PARD3B: variants seen among roughly 807,000 people sequenced by gnomAD.
PARD3B encodes partitioning defective 3 homolog B.
A neutral mutation model predicts 130.2 loss-of-function variants in PARD3B; 103 were observed. The observed-to-expected ratio is 0.79, with a 90% CI of 0.67 to 0.93. The LOEUF (loss-of-function observed/expected upper bound fraction) is 0.93, where lower values mean the gene tolerates loss of function less well. Ranked by LOEUF, PARD3B falls within the 40% of genes least tolerant of loss-of-function variation. PARD3B has a pLI of 0.00. For synonymous variants in PARD3B, 583 were observed against 553.2 expected (o/e 1.05, Z -0.76); for missense variants, 1,609 against 1,499.2 (o/e 1.07, Z -1.21).
At chr2:204,724,174 C>T (rs546138104) in intron 2 of PARD3B, among the ~76,000 whole-genome samples, 1 of 152,216 alleles carries the variant, frequency 6.6e-6, no homozygotes, top group Non-Finnish European at 1.5e-5. Flanking sequence ...CTTAAAAAAG[C>T]AGTAGATATA....
Position 205,292,312 on chromosome 2 carries a change from A to G in PARD3B, c.2186-8218A>G, listed in dbSNP as rs961462898. On this transcript the variant is annotated intron_variant, in intron 16 of 22. Transcript: ENST00000406610. This position sits in a 1 kb window ranked among gnomAD's most constrained non-coding sequence, Gnocchi z 5.3. ...GACCCTTCCACCATGTGAGGACACA[A>G]TGAGAACACAGGCATCCATGGACCA... Among the ~76,000 whole-genome samples the G allele has an allele frequency of 3.3e-5, 5 of 152,108 alleles. No individual in the cohort carries two copies. The highest frequency in any genetic ancestry group is 5.9e-5 in the Non-Finnish European group (4 of 68,012).
At chr2:204,775,636 T>C (rs1470551776) in intron 2 of PARD3B, among the ~76,000 whole-genome samples, 1 of 152,168 alleles carries the variant, frequency 6.6e-6, no homozygotes, top group African/African-American at 2.4e-5. Flanking sequence ...TCTGTCATAA[T>C]ACAGTGCTGC....
At chr2:205,388,276 C>T (rs1480419859) in intron 18 of PARD3B, among the ~76,000 whole-genome samples, 1 of 152,170 alleles carries the variant, frequency 6.6e-6, no homozygotes, top group African/African-American at 2.4e-5. Flanking sequence ...GAGTATTCTG[C>T]ATCTGCAGGA....
At chr2:204,872,234 T>C (rs1339470526) in intron 2 of PARD3B, among the ~76,000 whole-genome samples, 1 of 152,098 alleles carries the variant, frequency 6.6e-6, no homozygotes, top group Non-Finnish European at 1.5e-5. Context: ...TGCCAAATTT[T>C]ATACATACAC....
chr2:205,206,135 T>C (rs867774983), intron 15 of PARD3B, among the ~76,000 whole-genome samples: 5 of 151,176 alleles, frequency 3.3e-5, no homozygotes, highest in African/African-American at 7.3e-5. Flanking sequence ...AAGACAGATA[T>C]GAACTTTTTC....
intron 18 of PARD3B, among the ~76,000 whole-genome samples, chr2:205,317,220 C>T (rs536660703): frequency 2.0e-5 from 3 of 152,186 alleles, no homozygotes; most frequent in African/African-American, 7.2e-5. Context: ...AATTCTGTAA[C>T]TGCCTTCTTG....
At chr2:205,595,359 T>C (rs17682318) in intron 22 of PARD3B, among the ~76,000 whole-genome samples, 35,960 of 152,232 alleles carry the variant, frequency 0.24, 4,671 homozygotes, top group Middle Eastern at 0.36. Context: ...AAAAACCAGC[T>C]GGCATGGGGC....
intron 15 of PARD3B, among the ~76,000 whole-genome samples, chr2:205,197,032 G>GGGGTGTGTGTGTGT (rs1553636919): frequency 1.8e-5 from 1 of 55,260 alleles, no homozygotes; most frequent in Non-Finnish European, 3.2e-5. Flanking sequence ...GTGGGGGGGG[G>GGGGTGTGTGTGTGT]GTGTGTGTGT....
At chr2:204,927,290 G>C (rs1034236697) in intron 2 of PARD3B, among the ~76,000 whole-genome samples, 1 of 152,042 alleles carries the variant, frequency 6.6e-6, no homozygotes, top group Non-Finnish European at 1.5e-5. Context: ...TAAGTCATGA[G>C]GGCAAAGCCC....
At chr2:205,382,219 G>C (rs754892113) in intron 18 of PARD3B, among the ~76,000 whole-genome samples, 1 of 152,048 alleles carries the variant, frequency 6.6e-6, no homozygotes. Context: ...TGCTAGCTAT[G>C]TGACAGTTCT....
intron 3 of PARD3B, among the ~76,000 whole-genome samples, chr2:205,023,312 T>C (rs979302262): frequency 6.6e-6 from 1 of 152,132 alleles, no homozygotes; most frequent in Non-Finnish European, 1.5e-5. Flanking sequence ...ATTAAAATAA[T>C]AATTGTACGT....
At chr2:205,578,683 G>C (rs1408725809) in intron 22 of PARD3B, among the ~76,000 whole-genome samples, 3 of 152,198 alleles carry the variant, frequency 2.0e-5, no homozygotes, top group Non-Finnish European at 4.4e-5. Context: ...CTTTCAAGCT[G>C]ACCATGATAT....
intron 2 of PARD3B, among the ~76,000 whole-genome samples, chr2:204,930,244 A>G (rs1687932903): frequency 6.6e-6 from 1 of 151,432 alleles, no homozygotes; most frequent in Non-Finnish European, 1.5e-5. Context: ...ATTTTGGAGT[A>G]CAGTGGTCCC....
intron 2 of PARD3B, among the ~76,000 whole-genome samples, chr2:204,926,602 G>A (rs79175351): frequency 2.1e-4 from 32 of 152,150 alleles, no homozygotes; most frequent in African/African-American, 7.7e-4. Flanking sequence ...ATGTGAGTTC[G>A]ATCCGTGACA....
intron 1 of PARD3B, among the ~76,000 whole-genome samples, chr2:204,553,651 C>CATATAT (rs55744172): frequency 1.6e-3 from 132 of 83,342 alleles, no homozygotes; most frequent in South Asian, 3.0e-3. Flanking sequence ...TATATATATC[C>CATATAT]ATATATATAT....
intron 4 of PARD3B, among the ~76,000 whole-genome samples, chr2:205,070,912 G>A (rs777079142): frequency 2.6e-5 from 4 of 151,598 alleles, no homozygotes; most frequent in South Asian, 2.1e-4. Flanking sequence ...ACATTTGCTC[G>A]CACTCTTTTA....
intron 21 of PARD3B, among the ~76,000 whole-genome samples, chr2:205,518,967 T>C (rs1420417635): frequency 6.6e-6 from 1 of 152,226 alleles, no homozygotes; most frequent in Non-Finnish European, 1.5e-5. Context: ...TTAGCCTCGA[T>C]GGTGTTCCCT....
At chr2:204,833,388 C>G (rs532633936) in intron 2 of PARD3B, among the ~76,000 whole-genome samples, 2 of 152,250 alleles carry the variant, frequency 1.3e-5, no homozygotes, top group Admixed American at 6.5e-5. Context: ...TGTAAAGACT[C>G]TGCTTCCCAG....
intron 20 of PARD3B, among the ~76,000 whole-genome samples, chr2:205,490,362 T>C (rs1019635721): frequency 3.4e-5 from 5 of 148,926 alleles, no homozygotes; most frequent in African/African-American, 1.2e-4. Context: ...GAACGTGCGG[T>C]GTTTAGTTTT....
Sources: allele counts gnomAD v4.1 joint callset (sites outside exome capture counted in the v4.1 genomes callset), GRCh38; gene constraint gnomAD v4.1.1; non-coding constraint Gnocchi (gnomAD v3.1); transcripts MANE v1.5; gene names NCBI Gene and HGNC (gene_info 2026-07-23, HGNC 2026-07-21).